Variants in SYCP1 observed in about 807,000 individuals in gnomAD.
The protein encoded by SYCP1 is cancer/testis antigen 8.
SYCP1 carries 64 observed loss-of-function variants against 153.1 expected under a neutral mutation model. The observed-to-expected ratio is 0.42, with a 90% CI of 0.34 to 0.51. The LOEUF (loss-of-function observed/expected upper bound fraction) is 0.51, where lower values mean the gene tolerates loss of function less well. Among genes scored for constraint, SYCP1 ranks in the 20% least tolerant of loss-of-function variants. SYCP1 has a pLI of 0.06. For missense variants in SYCP1, 997 were observed against 1,049.0 expected (o/e 0.95, Z 0.68); for synonymous variants, 384 against 341.8 (o/e 1.12, Z -1.36).
At chr1:114,914,112 G>T in intron 20 of SYCP1, 67 bp downstream of exon 20, 1 of 1,244,350 alleles carries the variant, frequency 8.0e-7, no homozygotes, top group South Asian at 1.6e-5. Context: ...CTATTAACTT[G>T]TTATCATTAA....
At chr1:114,889,229 G>T (rs1666526679) in intron 15 of SYCP1, among the ~76,000 whole-genome samples, 1 of 152,158 alleles carries the variant, frequency 6.6e-6, no homozygotes, top group Admixed American at 6.5e-5. Context: ...CCAGTAATGG[G>T]ATTGCTGGGT....
At chr1:114,914,781 G>A (rs1230866114) in intron 20 of SYCP1, among the ~76,000 whole-genome samples, 2 of 152,182 alleles carry the variant, frequency 1.3e-5, no homozygotes, top group Admixed American at 6.5e-5. Context: ...CTGGAGGAAT[G>A]CATTCTTAAA....
rs967276835 is a variant in SYCP1, at chr1:114,995,316, T to C, written c.*297T>C. The stretch of plus-strand genomic sequence containing the variant: ...AAAGTTAGCCTTTGAATGCTAAGAA[T>C]GCATTATTGAGGGTCATTCTTTATT... On this transcript the variant is annotated 3_prime_UTR_variant, in exon 32 of 32. Transcript: ENST00000369522. 4 of 206,352 alleles carry C rather than the reference T, an allele frequency of 1.9e-5. No homozygotes were observed. The highest frequency in any genetic ancestry group is 5.5e-5 in the Admixed American group (1 of 18,294). 12.8% of individuals were successfully genotyped at this position (206,352 alleles called of 1,614,324 possible). A position where few individuals can be genotyped will look rare whatever the true frequency, so the allele number is the denominator to read the frequency against.
intron 11 of SYCP1, among the ~76,000 whole-genome samples, chr1:114,877,359 T>C (rs1665612067): frequency 6.6e-6 from 1 of 152,196 alleles, no homozygotes; most frequent in Non-Finnish European, 1.5e-5. Flanking sequence ...TATTATGCCA[T>C]CTCTATCAGT....
At chr1:114,905,997 G>T (rs1429601841) in intron 16 of SYCP1, among the ~76,000 whole-genome samples, 1 of 151,492 alleles carries the variant, frequency 6.6e-6, no homozygotes, top group African/African-American at 2.4e-5. Flanking sequence ...ATGGAGTCTT[G>T]TTCTGTCACC....
intron 20 of SYCP1, among the ~76,000 whole-genome samples, chr1:114,920,748 T>C (rs113233812): frequency 0.017 from 2,652 of 152,280 alleles, 77 homozygotes; most frequent in African/African-American, 0.06. Flanking sequence ...TGTCTCTTTT[T>C]ATAGTTTTTG....
At chr1:114,886,947 G>A (rs1482322051) in intron 14 of SYCP1, among the ~76,000 whole-genome samples, 7 of 151,848 alleles carry the variant, frequency 4.6e-5, no homozygotes, top group Admixed American at 4.6e-4. Context: ...ATAAAGCTGT[G>A]TTAGGAGGCC....
intron 20 of SYCP1, among the ~76,000 whole-genome samples, chr1:114,915,085 C>A (rs1217396888): frequency 6.7e-6 from 1 of 150,096 alleles, no homozygotes; most frequent in African/African-American, 2.5e-5. Flanking sequence ...AGAAAAAAAA[C>A]TAAAAAAAAA....
At chr1:114,884,617 C>T (rs1038109812) in intron 12 of SYCP1, among the ~76,000 whole-genome samples, 4 of 152,128 alleles carry the variant, frequency 2.6e-5, no homozygotes, top group Non-Finnish European at 5.9e-5. Flanking sequence ...CCATATATCA[C>T]CATTATCATC....
chr1:114,974,634 G>A (rs181461460), intron 27 of SYCP1, among the ~76,000 whole-genome samples: 2 of 151,790 alleles, frequency 1.3e-5, no homozygotes, highest in Non-Finnish European at 3.0e-5. Flanking sequence ...TAATGTCCTC[G>A]AGGTTTATCT....
chr1:114,889,614 A>G (rs1333267839), intron 15 of SYCP1, among the ~76,000 whole-genome samples: 1 of 152,122 alleles, frequency 6.6e-6, no homozygotes, highest in Non-Finnish European at 1.5e-5. Flanking sequence ...CCTTTGTCAG[A>G]TGAGTAGATT....
chr1:114,919,833 A>G (rs1330746378), intron 20 of SYCP1, among the ~76,000 whole-genome samples: 1 of 151,906 alleles, frequency 6.6e-6, no homozygotes, highest in Non-Finnish European at 1.5e-5. Context: ...TTTCTGTGAT[A>G]TTGGTTATAA....
intron 5 of SYCP1, among the ~76,000 whole-genome samples, 156 bp from the exon 6 acceptor site, chr1:114,858,391 T>C (rs1287622501): frequency 2.0e-5 from 3 of 152,160 alleles, no homozygotes; most frequent in African/African-American, 4.8e-5. Context: ...CCTTAGTAGT[T>C]TAAAAGAGTT....
chr1:114,987,501 C>A (rs1267349669), intron 30 of SYCP1, among the ~76,000 whole-genome samples: 1 of 151,826 alleles, frequency 6.6e-6, no homozygotes. Context: ...CCTCTCTATA[C>A]AAAAATTTAA....
intron 28 of SYCP1, among the ~76,000 whole-genome samples, chr1:114,979,642 A>G (rs888057810): frequency 6.6e-6 from 1 of 151,870 alleles, no homozygotes; most frequent in Non-Finnish European, 1.5e-5. Flanking sequence ...TTTGTCATCA[A>G]CTATGATGTA....
intron 11 of SYCP1, 189 bp downstream of exon 11, chr1:114,876,999 C>A (rs1428568135): frequency 3.7e-6 from 1 of 267,820 alleles, no homozygotes; most frequent in African/African-American, 2.2e-5. Context: ...TGTACTCACT[C>A]TAGCTTTTTT....
chr1:114,931,307 T>C (rs1042011370), intron 23 of SYCP1, among the ~76,000 whole-genome samples: 1 of 152,040 alleles, frequency 6.6e-6, no homozygotes, highest in Non-Finnish European at 1.5e-5. Context: ...TGTCTCTTCA[T>C]AAATGACATG....
chr1:114,909,594 G>C (rs1668050121), intron 16 of SYCP1, among the ~76,000 whole-genome samples: 1 of 151,340 alleles, frequency 6.6e-6, no homozygotes, highest in Admixed American at 6.6e-5. Context: ...TGGGAGAGTT[G>C]GTCTCTGGGC....
chr1:114,991,262 C>G (rs1345497963), intron 30 of SYCP1, among the ~76,000 whole-genome samples: 2 of 151,834 alleles, frequency 1.3e-5, no homozygotes, highest in Non-Finnish European at 1.5e-5. Flanking sequence ...TTCTTAAATT[C>G]TTCCAAAAAG....
Sources: gnomAD v4.1 joint callset for allele counts (sites outside exome capture counted in the v4.1 genomes callset) on GRCh38, gnomAD v4.1.1 for gene constraint, MANE v1.5 for transcripts, NCBI Gene and HGNC (gene_info 2026-07-23, HGNC 2026-07-21) for gene names.